ARMH4: variants seen among roughly 807,000 people sequenced by gnomAD.
The protein encoded by ARMH4 is armadillo-like helical domain-containing protein 4.
Under a neutral mutation model 61.9 loss-of-function variants are expected in ARMH4, and 49 were observed. That is an observed-to-expected ratio of 0.79 (90% CI 0.63 to 1.00). ARMH4 has a LOEUF of 1.00. Among genes scored for constraint, ARMH4 ranks in the 50% least tolerant of loss-of-function variants. The pLI is 0.00. For synonymous variants in ARMH4, 368 were observed against 341.5 expected (o/e 1.08, Z -0.85); for missense variants, 934 against 930.0 (o/e 1.00, Z -0.06).
At chr14:58,078,316 C>G (rs1293754195) in intron 5 of ARMH4, among the ~76,000 whole-genome samples, 1 of 152,158 alleles carries the variant, frequency 6.6e-6, no homozygotes, top group Non-Finnish European at 1.5e-5. Flanking sequence ...ATGCCAAGAC[C>G]TAGGAGTCAT....
intron 5 of ARMH4, among the ~76,000 whole-genome samples, chr14:58,062,716 T>C (rs566015445): frequency 1.5e-4 from 23 of 152,272 alleles, no homozygotes; most frequent in African/African-American, 5.5e-4. Flanking sequence ...ATAAACTAAG[T>C]CTCAGAGAGG....
At chr14:58,046,112 G>C (rs1318297427) in intron 5 of ARMH4, among the ~76,000 whole-genome samples, 1 of 152,168 alleles carries the variant, frequency 6.6e-6, no homozygotes. Flanking sequence ...GGCAGCCCAA[G>C]GAAAGTAGTA....
intron 4 of ARMH4, among the ~76,000 whole-genome samples, chr14:58,118,923 T>C (rs925056375): frequency 6.6e-6 from 1 of 152,122 alleles, no homozygotes; most frequent in Non-Finnish European, 1.5e-5. Flanking sequence ...TTAAAAAAAA[T>C]CCAGAGGGAG....
At position 58,084,823 on chromosome 14, in the gene ARMH4, T is replaced by C. The variant is rs558643058; in HGVS notation, c.2089+11901A>G. Reference sequence around the variant, plus strand: ...TGGGACCTGTTGTTGACCATATAGCTATATTTTGTGCCAGATTCTGTAAAT... The same window carrying C: ...TGGGACCTGTTGTTGACCATATAGCCATATTTTGTGCCAGATTCTGTAAAT... On this transcript the variant is annotated intron_variant, in intron 5 of 7. Coordinates refer to ENST00000267485, the MANE Select transcript of ARMH4 (RefSeq NM_001001872.4). Among the ~76,000 whole-genome samples the C allele has an allele frequency of 2.6e-5, 4 of 152,316 alleles. No homozygotes were observed. In the South Asian group the frequency reaches 6.2e-4, roughly 24 times the overall value.
chr14:58,077,970 TG>T (rs1188131034), intron 5 of ARMH4, among the ~76,000 whole-genome samples: 1 of 152,212 alleles, frequency 6.6e-6, no homozygotes, highest in East Asian at 1.9e-4. Flanking sequence ...GTAGACTCAA[TG>T]GACAGAGATG....
intron 5 of ARMH4, among the ~76,000 whole-genome samples, chr14:58,044,825 A>C (rs1196810938): frequency 1.3e-5 from 2 of 152,278 alleles, no homozygotes; most frequent in African/African-American, 4.8e-5. Flanking sequence ...ACTTCTCAAA[A>C]GAAGACATTT....
intron 5 of ARMH4, among the ~76,000 whole-genome samples, chr14:58,022,302 C>T (rs752628091): frequency 2.0e-5 from 3 of 151,840 alleles, no homozygotes; most frequent in Admixed American, 2.0e-4. Flanking sequence ...GACTCTAACC[C>T]TCCTAATTCT....
intron 5 of ARMH4, among the ~76,000 whole-genome samples, chr14:58,045,055 G>C (rs572017074): frequency 1.5e-4 from 23 of 152,158 alleles, no homozygotes; most frequent in Non-Finnish European, 3.2e-4. Context: ...ACAGTATGGC[G>C]ATTCCTCAGG....
At chr14:58,094,060 T>G (rs1885664411) in intron 5 of ARMH4, among the ~76,000 whole-genome samples, 1 of 152,172 alleles carries the variant, frequency 6.6e-6, no homozygotes, top group Non-Finnish European at 1.5e-5. Context: ...CTGGGCACGG[T>G]GGGTCATGCC....
At chr14:58,139,460 G>A in intron 1 of ARMH4, 46 bp from the exon 2 acceptor site, 1 of 1,054,662 alleles carries the variant, frequency 9.5e-7, no homozygotes, top group African/African-American at 1.6e-5. Flanking sequence ...AATACATGTT[G>A]TAAATAAGTC....
chr14:58,075,282 TC>T (rs1302664896), intron 5 of ARMH4, among the ~76,000 whole-genome samples: 1 of 152,162 alleles, frequency 6.6e-6, no homozygotes, highest in Non-Finnish European at 1.5e-5. Context: ...TATAAATCAT[TC>T]TACCATAAAG....
At chr14:58,047,959 C>A (rs912685671) in intron 5 of ARMH4, among the ~76,000 whole-genome samples, 1 of 152,148 alleles carries the variant, frequency 6.6e-6, no homozygotes, top group Non-Finnish European at 1.5e-5. Flanking sequence ...GGCAAGTGAG[C>A]AAGTCTGAAG....
chr14:58,097,680 GA>G (rs905127608), intron 4 of ARMH4, among the ~76,000 whole-genome samples: 22 of 103,282 alleles, frequency 2.1e-4, no homozygotes, highest in Admixed American at 1.8e-3. Flanking sequence ...TCGTTTTCTT[GA>G]TTTTTTTTTT....
At chr14:58,043,434 A>C (rs1426639797) in intron 5 of ARMH4, among the ~76,000 whole-genome samples, 1 of 152,332 alleles carries the variant, frequency 6.6e-6, no homozygotes, top group East Asian at 1.9e-4. Context: ...TCAATCAATT[A>C]GGTATTGATG....
intron 5 of ARMH4, among the ~76,000 whole-genome samples, chr14:58,012,808 T>C (rs1436259700): frequency 6.6e-6 from 1 of 152,216 alleles, no homozygotes; most frequent in African/African-American, 2.4e-5. Context: ...CTATGAAATT[T>C]TATGTAGACC....
intron 5 of ARMH4, among the ~76,000 whole-genome samples, chr14:58,091,562 A>G (rs978007460): frequency 3.3e-5 from 5 of 152,258 alleles, no homozygotes; most frequent in Non-Finnish European, 7.3e-5. Flanking sequence ...AAAGAAATGA[A>G]TCACCAGGTA....
At chr14:58,042,936 A>T (rs1883780109) in intron 5 of ARMH4, among the ~76,000 whole-genome samples, 1 of 152,218 alleles carries the variant, frequency 6.6e-6, no homozygotes, top group Non-Finnish European at 1.5e-5. Flanking sequence ...TCTCTATTAC[A>T]GGCTCTGAAA....
At position 58,139,301 on chromosome 14, in the gene ARMH4, T is replaced by C. The variant is rs1347263600; in HGVS notation, c.58A>G (p.Ser20Gly). The change falls in exon 2 of 8, where the codon AGC (serine) becomes GGC (glycine). Residue 20 changes from serine to glycine, a missense_variant. Ser to Gly is a moderately conservative substitution (Grantham distance 56). Coordinates refer to ENST00000267485, the MANE Select transcript of ARMH4 (RefSeq NM_001001872.4). The part of the protein sequence containing the change: ...CLAFCSLLLF[S>G]VATQCLAFPK... ...AAGGCCAGACATTGTGTGGCAACGC[T>C]GAAAAGCAGAAGGCTACAGAAAGCC... 11 of 1,614,158 alleles carry C rather than the reference T, an allele frequency of 6.8e-6. No individual in the cohort carries two copies. Among genetic ancestry groups the C allele is most frequent in the Middle Eastern group, 1.6e-4 (1 of 6,062 alleles).
intron 1 of ARMH4, among the ~76,000 whole-genome samples, chr14:58,148,877 A>ACACG (rs140593548): frequency 6.6e-6 from 1 of 151,650 alleles, no homozygotes; most frequent in Admixed American, 6.6e-5. Flanking sequence ...ACACACACAC[A>ACACG]CACGCAACAG....
Sources: gnomAD v4.1 joint callset for allele counts (sites outside exome capture counted in the v4.1 genomes callset) on GRCh38, gnomAD v4.1.1 for gene constraint, MANE v1.5 for transcripts, NCBI Gene and HGNC (gene_info 2026-07-23, HGNC 2026-07-21) for gene names.